Variants in SASH1 observed in about 807,000 individuals in gnomAD.
The protein encoded by SASH1 is SAM and SH3 domain containing 1, also known as SAM and SH3 domain-containing protein 1.
Under a neutral mutation model 125.2 loss-of-function variants are expected in SASH1, and 44 were observed. The ratio of observed to expected loss-of-function variants is 0.35; its 90% CI spans 0.28 to 0.45. The LOEUF is 0.45. Ranked by LOEUF, SASH1 falls within the 20% of genes least tolerant of loss-of-function variation. SASH1 has a pLI of 1.00. For missense variants in SASH1, 1,426 were observed against 1,614.5 expected, an observed-to-expected ratio of 0.88 and a Z score of 2.00; for synonymous variants, 639 against 649.1, an observed-to-expected ratio of 0.98 and a Z score of 0.24.
At chr6:148,420,005 A>G (rs1784988280) in intron 2 of SASH1, among the ~76,000 whole-genome samples, 1 of 152,204 alleles carries the variant, frequency 6.6e-6, no homozygotes, top group South Asian at 2.1e-4. Flanking sequence ...TGCATTATTG[A>G]TGTTTCAAAA....
intron 2 of SASH1, among the ~76,000 whole-genome samples, chr6:148,420,370 A>T (rs149456883): frequency 6.6e-4 from 101 of 152,324 alleles, no homozygotes; most frequent in African/African-American, 2.4e-3. Context: ...AAAAATAAGG[A>T]TGATACTTAA....
Position 148,321,603 on chromosome 6 carries a change from C to T in SASH1, n.74+49226C>T, listed in dbSNP as rs144777245. The stretch of plus-strand genomic sequence containing the variant: ...AAAGTAATGGCAAAAACTGTGATTA[C>T]ATTCATACCAGCCTACTTATGTGTC... On this transcript the variant is annotated intron_variant and non_coding_transcript_variant, in intron 1 of 3. Coordinates refer to the SASH1 transcript ENST00000367469. Among the ~76,000 whole-genome samples, 460 of 152,270 alleles carry T rather than the reference C, an allele frequency of 3.0e-3. 3 individuals carry two copies. Among genetic ancestry groups the T allele is most frequent in the African/African-American group, 0.011 (441 of 41,564 alleles).
the SASH1 span, among the ~76,000 whole-genome samples, chr6:148,223,255 T>G: frequency 6.6e-6 from 1 of 152,216 alleles, no homozygotes; most frequent in Non-Finnish European, 1.5e-5. Context: ...ATGTGAAATA[T>G]AGTTATATCT....
chr6:148,507,402 G>A (rs527851016), intron 8 of SASH1, among the ~76,000 whole-genome samples: 2 of 142,738 alleles, frequency 1.4e-5, no homozygotes, highest in Admixed American at 7.1e-5. Context: ...ATGGAGTCTC[G>A]CTCTGTCGCC....
chr6:148,195,344 G>C, the SASH1 span, among the ~76,000 whole-genome samples: 3 of 152,258 alleles, frequency 2.0e-5, no homozygotes, highest in Admixed American at 6.5e-5. Flanking sequence ...TGGCTCCAGA[G>C]TCCTAAACCT....
At chr6:148,448,077 CA>C (rs1776885828) in intron 4 of SASH1, among the ~76,000 whole-genome samples, 1 of 151,604 alleles carries the variant, frequency 6.6e-6, no homozygotes, top group African/African-American at 2.4e-5. Flanking sequence ...TTGGCCTCTA[CA>C]CCCCCTGGAC....
At chr6:148,499,823 ATAGATTC>A (rs1779489473) in intron 8 of SASH1, among the ~76,000 whole-genome samples, 1 of 152,176 alleles carries the variant, frequency 6.6e-6, no homozygotes, top group Admixed American at 6.5e-5. Flanking sequence ...CTTCTAGGGT[ATAGATTC>A]TATTCTTTAC....
the SASH1 span, among the ~76,000 whole-genome samples, chr6:148,264,816 G>A: frequency 1.1e-4 from 17 of 152,170 alleles, no homozygotes; most frequent in East Asian, 9.7e-4. Context: ...CCTCCATCTC[G>A]ACCCCCTGTT....
intron 1 of SASH1, among the ~76,000 whole-genome samples, chr6:148,276,078 G>C (rs1445713140): frequency 6.6e-6 from 1 of 152,182 alleles, no homozygotes; most frequent in Non-Finnish European, 1.5e-5. Flanking sequence ...CTGGAGCTTA[G>C]AGTTAGAGAG....
At chr6:148,208,689 C>CT in the SASH1 span, among the ~76,000 whole-genome samples, 6 of 152,156 alleles carry the variant, frequency 3.9e-5, no homozygotes, top group African/African-American at 1.2e-4. Flanking sequence ...ATTGGAGAAA[C>CT]TGTCTTTTCT....
intron 1 of SASH1, among the ~76,000 whole-genome samples, chr6:148,362,573 G>T (rs548433071): frequency 1.1e-3 from 163 of 151,384 alleles, no homozygotes; most frequent in African/African-American, 3.8e-3. Context: ...TTGAAAGTGA[G>T]GTGAGGGTGA....
At chr6:148,250,392 G>T in the SASH1 span, among the ~76,000 whole-genome samples, 3 of 151,922 alleles carry the variant, frequency 2.0e-5, no homozygotes, top group Admixed American at 6.6e-5. Context: ...ATTAGAAATC[G>T]TACTCTCAGA....
chr6:148,397,484 CA>C (rs965472702), intron 2 of SASH1, among the ~76,000 whole-genome samples: 32 of 149,966 alleles, frequency 2.1e-4, no homozygotes, highest in African/African-American at 6.8e-4. Context: ...GACTCCGTCT[CA>C]AAAAAAAAAT....
intron 1 of SASH1, among the ~76,000 whole-genome samples, chr6:148,370,849 A>G (rs1435939144): frequency 1.3e-5 from 2 of 152,096 alleles, no homozygotes; most frequent in Admixed American, 1.3e-4. Context: ...AAACAAAAAA[A>G]CCCTACAAAA....
chr6:148,300,442 ATT>A lies in SASH1; in HGVS notation n.74+28088_74+28089del, dbSNP rs34126353. Among the ~76,000 whole-genome samples, 836 of 108,298 alleles carry A rather than the reference ATT, an allele frequency of 7.7e-3. 3 individuals carry two copies. The highest frequency in any genetic ancestry group is 0.029 in the African/African-American group (797 of 27,162). 71.0% of individuals were successfully genotyped at this position (108,298 alleles called of 152,430 possible). On this transcript the variant is annotated intron_variant and non_coding_transcript_variant, in intron 1 of 3. Coordinates refer to the SASH1 transcript ENST00000367469. ...AACAACTTTACCTCTCAGAAACAAGATTTTTTTTTTTTTTTTTTTTTTTTGAG... is the reference window on the plus strand; with the variant it reads ...AACAACTTTACCTCTCAGAAACAAGATTTTTTTTTTTTTTTTTTTTTTGAG...
chr6:148,525,261 A>T, intron 10 of SASH1, 30 bp from the exon 11 acceptor site: 1 of 1,598,682 alleles, frequency 6.3e-7, no homozygotes. Flanking sequence ...GCATAACTGA[A>T]GTTTTTCTGC....
the SASH1 span, among the ~76,000 whole-genome samples, chr6:148,224,891 C>T: frequency 8.5e-5 from 13 of 152,266 alleles, no homozygotes; most frequent in East Asian, 2.1e-3. Context: ...TTGAGAACAT[C>T]GACACTGATT....
the SASH1 span, among the ~76,000 whole-genome samples, chr6:148,218,407 C>T: frequency 1.3e-5 from 2 of 152,240 alleles, no homozygotes; most frequent in African/African-American, 4.8e-5. Flanking sequence ...TTATTTTACG[C>T]TTCAGTAAGG....
chr6:148,226,064 A>G, the SASH1 span, among the ~76,000 whole-genome samples: 1 of 152,254 alleles, frequency 6.6e-6, no homozygotes, highest in Admixed American at 6.5e-5. Flanking sequence ...TACATAATGT[A>G]TGATTGTGGG....
Sources: gnomAD v4.1 joint callset for allele counts (sites outside exome capture counted in the v4.1 genomes callset) on GRCh38, gnomAD v4.1.1 for gene constraint, MANE v1.5 for transcripts, NCBI Gene and HGNC (gene_info 2026-07-23, HGNC 2026-07-21) for gene names.